Variants in PARP12 observed in about 807,000 individuals in gnomAD.
PARP12 encodes the protein protein mono-ADP-ribosyltransferase PARP12.
In PARP12, 59 loss-of-function variants were observed where a neutral mutation model predicts 72.4. The ratio of observed to expected loss-of-function variants is 0.81; its 90% CI spans 0.66 to 1.01. The LOEUF is 1.01. Among genes scored for constraint, PARP12 ranks in the 50% least tolerant of loss-of-function variants. The pLI is 0.00. For missense variants in PARP12, 851 were observed against 914.0 expected, an observed-to-expected ratio of 0.93 and a Z score of 0.89; for synonymous variants, 403 against 371.4, an observed-to-expected ratio of 1.09 and a Z score of -0.98.
rs3735352 is a variant in PARP12, at chr7:140,024,755, C to T, written c.1911G>A (p.Pro637=). ...FVRGNASFVR[P]PAKEGWSNAF... ...CGTTGCTCCAGCCCTCCTTGGCCGG[C>T]GGACGGACAAAGGAGGCATTGCCCC... The change falls in exon 12 of 12, where the codon CCG becomes CCA. Residue 637 remains proline, a synonymous_variant. Transcript: ENST00000263549. 380,187 of 1,613,950 alleles carry T rather than the reference C, an allele frequency of 0.24. 52,851 individuals carry two copies. The highest frequency in any genetic ancestry group is 0.55 in the East Asian group (24,559 of 44,854).
At chr7:140,043,173 G>A (rs186535089) in intron 5 of PARP12, among the ~76,000 whole-genome samples, 21 of 152,252 alleles carry the variant, frequency 1.4e-4, no homozygotes, top group Admixed American at 4.6e-4. Context: ...CAACTTGGGC[G>A]ACAGAGTGAG....
At position 140,062,556 on chromosome 7, in the gene PARP12, T is replaced by G; in HGVS notation, c.292A>C (p.Met98Leu). Residue 98 changes from methionine to leucine, a missense_variant, in exon 1 of 12, where the codon ATG becomes CTG. Transcript: ENST00000263549. ...AGGAACTTGCAGGCGCCGTAGACCA[T>G]GAACCTGCAGAGGTGGAGCTGCGCG... ...LCAQLHLCRFMVYGACKFLRA... is the reference protein window; with the variant it reads ...LCAQLHLCRFLVYGACKFLRA... The G allele has an allele frequency of 1.3e-6, 2 of 1,556,314 alleles. No individual in the cohort carries two copies. Among genetic ancestry groups the G allele is most frequent in the Non-Finnish European group, 1.7e-6 (2 of 1,155,492 alleles).
At chr7:140,032,856 T>G (rs1322260339) in intron 8 of PARP12, among the ~76,000 whole-genome samples, 1 of 152,156 alleles carries the variant, frequency 6.6e-6, no homozygotes, top group Non-Finnish European at 1.5e-5. Flanking sequence ...AGGGTAGAGA[T>G]AACAGGGAGG....
At chr7:140,026,382 A>T in intron 10 of PARP12, 34 bp from the exon 11 acceptor site, 1 of 1,589,230 alleles carries the variant, frequency 6.3e-7, no homozygotes, top group Non-Finnish European at 8.5e-7. Flanking sequence ...CTGGGGGCAG[A>T]GTGTGCCGGC....
chr7:140,038,405 G>T, intron 6 of PARP12: 1 of 750,192 alleles, frequency 1.3e-6, no homozygotes, highest in Non-Finnish European at 1.6e-6. Context: ...GCTGGAGTGA[G>T]TTTGAATTCT....
At chr7:140,046,509 G>T (rs1364055348) in intron 5 of PARP12, among the ~76,000 whole-genome samples, 1 of 152,172 alleles carries the variant, frequency 6.6e-6, no homozygotes, top group Non-Finnish European at 1.5e-5. Context: ...ATCACCTCTC[G>T]CTTTTCTGTA....
intron 6 of PARP12, 149 bp downstream of exon 6, chr7:140,041,495 A>G: frequency 1.4e-6 from 1 of 700,544 alleles, no homozygotes; most frequent in East Asian, 2.6e-5. Flanking sequence ...GTTTTGCCAT[A>G]ATTCTCCCAA....
At chr7:140,061,224 C>A (rs1817429953) in intron 1 of PARP12, among the ~76,000 whole-genome samples, 1 of 152,196 alleles carries the variant, frequency 6.6e-6, no homozygotes, top group African/African-American at 2.4e-5. Flanking sequence ...GAAAGGAAAT[C>A]CACCACTTCT....
At chr7:140,025,951 G>A (rs1252829946) in intron 11 of PARP12, among the ~76,000 whole-genome samples, 1 of 152,212 alleles carries the variant, frequency 6.6e-6, no homozygotes, top group Non-Finnish European at 1.5e-5. Flanking sequence ...CAGGGCCTCT[G>A]CTCCACAGGG....
chr7:140,046,301 T>G (rs2116609337), intron 5 of PARP12, among the ~76,000 whole-genome samples: 1 of 152,328 alleles, frequency 6.6e-6, no homozygotes, highest in South Asian at 2.1e-4. Flanking sequence ...CTTGGCAACA[T>G]ATTTCAGCAA....
intron 5 of PARP12, 73 bp downstream of exon 5, chr7:140,046,811 T>C: frequency 7.1e-7 from 1 of 1,401,670 alleles, no homozygotes. Context: ...TGTGTGTGTG[T>C]GTGTGTGTGT....
chr7:140,040,338 G>A (rs992944995), intron 6 of PARP12, among the ~76,000 whole-genome samples: 1 of 152,228 alleles, frequency 6.6e-6, no homozygotes, highest in South Asian at 2.1e-4. Context: ...CGACGGGAGG[G>A]AGACAGGTGG....
intron 6 of PARP12, 71 bp downstream of exon 6, chr7:140,041,573 G>A (rs1816470252): frequency 6.8e-6 from 10 of 1,468,908 alleles, no homozygotes; most frequent in East Asian, 2.3e-5. Context: ...CAACAATATG[G>A]GGGCTCTTAT....
At position 140,057,052 on chromosome 7, in the gene PARP12, T is replaced by C. The variant is rs148151544; in HGVS notation, c.564A>G (p.Glu188=). Residue 188 remains glutamate, a synonymous_variant, in exon 3 of 12, where the codon GAA becomes GAG. Transcript: ENST00000263549. ...LHICQYFLQG[E]CKFGTSCKRS... is the part of the protein sequence containing the mutation. ...TCTTACAGCTAGTGCCAAACTTGCA[T>C]TCCCCCTGTAAAAAATACTGGCAGA... 9 of 1,614,110 alleles carry C rather than the reference T, an allele frequency of 5.6e-6. No homozygotes were observed. Among genetic ancestry groups the C allele is most frequent in the South Asian group, 1.1e-5 (1 of 91,090 alleles).
intron 7 of PARP12, 27 bp from the exon 8 acceptor site, chr7:140,034,358 A>AATATAT: frequency 6.4e-7 from 1 of 1,557,190 alleles, no homozygotes; most frequent in Non-Finnish European, 8.8e-7. Flanking sequence ...CCAGTGAAAA[A>AATATAT]ATATACATAT....
chr7:140,054,696 A>T lies in PARP12; in HGVS notation c.828T>A (p.Cys276Ter), dbSNP rs1388548703. ...TACAACTTTTCCGGATATGGTACAAACAGATCTGATCACCCTCCTCCTGGC... is the reference window on the plus strand; with the variant it reads ...TACAACTTTTCCGGATATGGTACAATCAGATCTGATCACCCTCCTCCTGGC... ...TLSQEEGDQI[C>*]LYHIRKSCSF... Residue 276 changes from cysteine (C) to a stop codon, truncating the protein, a stop_gained, in exon 4 of 12, where the codon TGT becomes TGA. Transcript: ENST00000263549. LOFTEE classifies it high-confidence loss of function. The T allele has an allele frequency of 6.2e-7, 1 of 1,614,106 alleles. No homozygotes were observed. Among genetic ancestry groups the T allele is most frequent in the Non-Finnish European group, 8.5e-7 (1 of 1,179,946 alleles).
At chr7:140,030,285 T>G (rs1242212676) in intron 8 of PARP12, among the ~76,000 whole-genome samples, 1 of 152,216 alleles carries the variant, frequency 6.6e-6, no homozygotes, top group African/African-American at 2.4e-5. Flanking sequence ...GAAAATTTCC[T>G]TCAAGATTGA....
chr7:140,046,757 T>TGTGA, intron 5 of PARP12, 127 bp downstream of exon 5: 2 of 833,546 alleles, frequency 2.4e-6, no homozygotes, highest in Non-Finnish European at 3.6e-6. Flanking sequence ...TGTGTGTGTG[T>TGTGA]CACACACAGA....
rs542904963 is a variant in PARP12 at position 140,024,845 on chromosome 7, G to A, written c.1821C>T (p.Tyr607=). Residue 607 remains tyrosine (Y), a synonymous_variant, in exon 12 of 12, where the codon TAC becomes TAT. Transcript: ENST00000263549. ...FARDAAYSHH[Y]SKSDTQTHTM... ...TGTGGGTCTGCGTGTCGGATTTGCTGTAGTGGTGGGAATATGCAGCATCTC... is the reference window on the plus strand; with the variant it reads ...TGTGGGTCTGCGTGTCGGATTTGCTATAGTGGTGGGAATATGCAGCATCTC... The A allele has an allele frequency of 1.7e-5, 28 of 1,614,062 alleles. No homozygotes were observed. The South Asian group carries it at 2.6e-4, about 15-fold the overall frequency.
Sources: gnomAD v4.1 joint callset for allele counts (sites outside exome capture counted in the v4.1 genomes callset) on GRCh38, gnomAD v4.1.1 for gene constraint, MANE v1.5 for transcripts, NCBI Gene and HGNC (gene_info 2026-07-23, HGNC 2026-07-21) for gene names.